The following PRPF18 variants were observed in gnomAD, a reference collection of about 807,000 sequenced individuals.
PRPF18 encodes the protein pre-mRNA processing factor 18, also known as pre-mRNA-splicing factor 18.
A neutral mutation model predicts 46.5 loss-of-function variants in PRPF18; 38 were observed. That is an observed-to-expected ratio of 0.82 (90% CI 0.63 to 1.07). The LOEUF is 1.07. Ranked by LOEUF, PRPF18 falls within the 50% of genes least tolerant of loss-of-function variation. The pLI, the probability that PRPF18 is intolerant of heterozygous loss-of-function variation, is 0.00. For synonymous variants in PRPF18, 152 were observed against 146.7 expected, an observed-to-expected ratio of 1.04 and a Z score of -0.26; for missense variants, 263 against 410.0, an observed-to-expected ratio of 0.64 and a Z score of 3.10.
intron 3 of PRPF18, among the ~76,000 whole-genome samples, chr10:13,602,878 A>G (rs895752492): frequency 1.3e-5 from 2 of 152,154 alleles, no homozygotes; most frequent in Non-Finnish European, 2.9e-5. Flanking sequence ...GACTGCAGGT[A>G]TGCACCACCA....
intron 9 of PRPF18, among the ~76,000 whole-genome samples, chr10:13,628,797 G>T (rs2080548617): frequency 6.6e-6 from 1 of 152,168 alleles, no homozygotes; most frequent in South Asian, 2.1e-4. Context: ...TGTAAACAAG[G>T]AAATGTGTGT....
At chr10:13,623,997 T>G (rs533064633) in intron 9 of PRPF18, among the ~76,000 whole-genome samples, 25 of 152,352 alleles carry the variant, frequency 1.6e-4, no homozygotes, top group African/African-American at 4.8e-4. Context: ...ATTTATTTAT[T>G]TATTTCAGAC....
chr10:13,639,073 C>T, the PRPF18 span: 19 of 152,192 alleles, frequency 1.2e-4, no homozygotes, highest in East Asian at 5.8e-4. Context: ...GGAATAAAAT[C>T]GGACTTTGCC....
chr10:13,605,444 T>G (rs991707981), intron 3 of PRPF18, among the ~76,000 whole-genome samples, 187 bp from the exon 4 acceptor site: 1 of 151,886 alleles, frequency 6.6e-6, no homozygotes. Context: ...TAGCTGGGTG[T>G]GGTGGCGGGC....
At chr10:13,621,077 C>T (rs1338103805) in intron 9 of PRPF18, among the ~76,000 whole-genome samples, 1 of 152,164 alleles carries the variant, frequency 6.6e-6, no homozygotes, top group Non-Finnish European at 1.5e-5. Context: ...TATTTAGAAA[C>T]TTTATAATTC....
intron 2 of PRPF18, 25 bp from the exon 3 acceptor site, chr10:13,600,219 T>C: frequency 6.6e-7 from 1 of 1,516,954 alleles, no homozygotes; most frequent in South Asian, 1.2e-5. Context: ...AAGCTGAATT[T>C]CATTTCTTTT....
chr10:13,605,860 C>A, intron 4 of PRPF18, 116 bp downstream of exon 4: 2 of 1,331,986 alleles, frequency 1.5e-6, no homozygotes, highest in Non-Finnish European at 9.8e-7. Flanking sequence ...CAGATTATTG[C>A]TGCTGAATGG....
the PRPF18 span, chr10:13,647,563 A>G: frequency 6.6e-6 from 1 of 152,158 alleles, no homozygotes. Context: ...AGAACATTCA[A>G]AATGTGAGTT....
chr10:13,624,317 A>G (rs1316320067), intron 9 of PRPF18, among the ~76,000 whole-genome samples: 3 of 152,226 alleles, frequency 2.0e-5, no homozygotes, highest in Non-Finnish European at 2.9e-5. Context: ...TTTTCCTCTA[A>G]ACACATTGAT....
the PRPF18 span, among the ~76,000 whole-genome samples, chr10:13,650,207 CTGAAT>C: frequency 1.3e-5 from 2 of 152,116 alleles, no homozygotes; most frequent in Non-Finnish European, 2.9e-5. Flanking sequence ...GAATTTCAAA[CTGAAT>C]TATTTTTTTA....
downstream of PRPF18, among the ~76,000 whole-genome samples, chr10:13,633,096 T>C (rs1384643082): frequency 1.3e-5 from 2 of 152,212 alleles, no homozygotes; most frequent in Non-Finnish European, 2.9e-5. Flanking sequence ...GTTGTGGCTG[T>C]GATTTCAGTC....
the PRPF18 span, chr10:13,639,478 G>A: frequency 1.3e-5 from 2 of 151,900 alleles, no homozygotes; most frequent in Non-Finnish European, 2.9e-5. Flanking sequence ...TATTACTACA[G>A]TTCCGTCTGA....
chr10:13,600,165 C>G, intron 2 of PRPF18, 79 bp from the exon 3 acceptor site: 1 of 1,149,080 alleles, frequency 8.7e-7, no homozygotes, highest in Non-Finnish European at 1.2e-6. Flanking sequence ...TGTTTAACTT[C>G]CATAGCTAAG....
chr10:13,600,234 A>G lies in PRPF18; in HGVS notation c.145-10A>G. 3 of 1,575,272 alleles carry G rather than the reference A, an allele frequency of 1.9e-6. No individual in the cohort carries two copies. The highest frequency in any genetic ancestry group is 1.7e-4 in the Middle Eastern group (1 of 5,904). The stretch of plus-strand genomic sequence containing the variant: ...AAGCTGAATTTCATTTCTTTTGGCT[A>G]TTAATATAGATACAGCCAAAAGAGG... On this transcript the variant is annotated splice_polypyrimidine_tract_variant and intron_variant, in intron 2 of 9. Coordinates refer to ENST00000378572, the MANE Select transcript of PRPF18 (RefSeq NM_003675.4).
intron 1 of PRPF18, among the ~76,000 whole-genome samples, chr10:13,594,967 G>T (rs1372225295): frequency 6.6e-6 from 1 of 152,164 alleles, no homozygotes; most frequent in East Asian, 1.9e-4. Flanking sequence ...ATTATTAAAA[G>T]GCTGTGTACT....
At chr10:13,612,100 G>GA (rs1480938505) in intron 6 of PRPF18, among the ~76,000 whole-genome samples, 2 of 151,982 alleles carry the variant, frequency 1.3e-5, no homozygotes, top group African/African-American at 4.8e-5. Flanking sequence ...CGCTGATCTT[G>GA]AACTCCTGAC....
In PRPF18 at chr10:13,597,515, T is replaced by G; in HGVS notation, c.124T>G (p.Phe42Val). Residue 42 changes from phenylalanine to valine, a missense_variant, in exon 2 of 10, where the codon TTT becomes GTT. Coordinates refer to ENST00000378572, the MANE Select transcript of PRPF18 (RefSeq NM_003675.4). ...ELAKKEEEAY[F>V]ERCGYKIQPK... Reference sequence around the variant, plus strand: ...CGCCAAAAAAGAAGAGGAAGCATATTTTGAAAGATGTGGCTACAAGGTATG... The same window carrying G: ...CGCCAAAAAAGAAGAGGAAGCATATGTTGAAAGATGTGGCTACAAGGTATG... 1 of 1,610,852 alleles carries G rather than the reference T, an allele frequency of 6.2e-7. No individual in the cohort carries two copies. Among genetic ancestry groups the G allele is most frequent in the Non-Finnish European group, 8.5e-7 (1 of 1,178,534 alleles).
chr10:13,651,926 A>C, the PRPF18 span: 1 of 1,587,908 alleles, frequency 6.3e-7, no homozygotes. Flanking sequence ...TACTTTGGTG[A>C]GGTGGAGACT....
the PRPF18 span, chr10:13,652,182 G>T: frequency 1.7e-6 from 1 of 591,242 alleles, no homozygotes; most frequent in Non-Finnish European, 3.0e-6. Context: ...GGAGGGACGG[G>T]CCCTCTTTTA....
Sources: gnomAD v4.1 joint callset for allele counts (sites outside exome capture counted in the v4.1 genomes callset) on GRCh38, gnomAD v4.1.1 for gene constraint, MANE v1.5 for transcripts, NCBI Gene and HGNC (gene_info 2026-07-23, HGNC 2026-07-21) for gene names.